Variants in KCNMA1 observed in about 807,000 individuals in gnomAD.
KCNMA1 encodes the protein Calcium-activated potassium channel subunit alpha-1.
Under a neutral mutation model 140.0 loss-of-function variants are expected in KCNMA1, and 29 were observed. The observed-to-expected ratio is 0.21, with a 90% CI of 0.15 to 0.28. KCNMA1 has a LOEUF of 0.28. Ranked by LOEUF, KCNMA1 falls within the 10% of genes least tolerant of loss-of-function variation. The pLI, the probability that KCNMA1 is intolerant of heterozygous loss-of-function variation, is 1.00. For synonymous variants in KCNMA1, 612 were observed against 611.9 expected (o/e 1.00, Z 0.00); for missense variants, 880 against 1,602.2 (o/e 0.55, Z 7.70).
intron 23 of KCNMA1, among the ~76,000 whole-genome samples, chr10:76,919,897 G>C (rs537289720): frequency 6.6e-6 from 1 of 150,500 alleles, no homozygotes; most frequent in South Asian, 2.1e-4. Context: ...TATGGATAAA[G>C]AACTGAAGAA....
rs1356304252 is a variant in KCNMA1, at chr10:76,889,581, C to T, written c.3343-12G>A. ...TAACAACCACCATCCTGGGAGACAGCAAAAGAACAGAGAGAAACATCCTTT... is the reference window on the plus strand; with the variant it reads ...TAACAACCACCATCCTGGGAGACAGTAAAAGAACAGAGAGAAACATCCTTT... On this transcript the variant is annotated splice_polypyrimidine_tract_variant and intron_variant, in intron 26 of 27. Coordinates refer to ENST00000286628, the MANE Select transcript of KCNMA1 (RefSeq NM_001161352.2). The T allele has an allele frequency of 6.4e-7, 1 of 1,569,928 alleles. No individual in the cohort carries two copies. Among genetic ancestry groups the T allele is most frequent in the East Asian group, 2.2e-5 (1 of 44,678 alleles).
At chr10:77,065,158 G>T (rs1300981390) in intron 14 of KCNMA1, among the ~76,000 whole-genome samples, 1 of 152,136 alleles carries the variant, frequency 6.6e-6, no homozygotes, top group Non-Finnish European at 1.5e-5. Flanking sequence ...TGAGTCAGGC[G>T]CTGTTCTAGG....
At chr10:77,500,795 T>C (rs536752397) in intron 1 of KCNMA1, among the ~76,000 whole-genome samples, 12 of 152,298 alleles carry the variant, frequency 7.9e-5, no homozygotes, top group African/African-American at 2.9e-4. Flanking sequence ...TTATGGGTGA[T>C]TAGAAGGCTG....
intron 14 of KCNMA1, among the ~76,000 whole-genome samples, chr10:77,044,718 G>C (rs937292898): frequency 4.6e-5 from 7 of 152,154 alleles, no homozygotes; most frequent in African/African-American, 1.7e-4. Flanking sequence ...TCTGGACCAG[G>C]TAAAGGGAGT....
At chr10:77,061,156 TA>T (rs1445026284) in intron 14 of KCNMA1, among the ~76,000 whole-genome samples, 3 of 152,220 alleles carry the variant, frequency 2.0e-5, no homozygotes, top group Non-Finnish European at 4.4e-5. Context: ...ACTCAATGTT[TA>T]ACCTTTTAAG....
At chr10:77,622,326 T>A (rs139430173) in intron 1 of KCNMA1, among the ~76,000 whole-genome samples, 141 of 152,186 alleles carry the variant, frequency 9.3e-4, no homozygotes, top group African/African-American at 3.2e-3. Flanking sequence ...GTCATCAGAG[T>A]TTCCCTCACA....
intron 3 of KCNMA1, among the ~76,000 whole-genome samples, chr10:77,217,209 G>A (rs2048063048): frequency 6.6e-6 from 1 of 151,692 alleles, no homozygotes; most frequent in Non-Finnish European, 1.5e-5. Context: ...GGAGGCTGAG[G>A]CAGGAGAATC....
chr10:77,332,237 G>C (rs544025016), intron 2 of KCNMA1, among the ~76,000 whole-genome samples: 1 of 151,978 alleles, frequency 6.6e-6, no homozygotes, highest in Admixed American at 6.5e-5. Context: ...GCCAGGGGAT[G>C]AGAGGGAAAA....
At chr10:77,194,537 T>G (rs573079370) in intron 3 of KCNMA1, among the ~76,000 whole-genome samples, 28 of 152,292 alleles carry the variant, frequency 1.8e-4, no homozygotes, top group African/African-American at 6.5e-4. Flanking sequence ...TGTAAGGATT[T>G]GGAGTACAGA....
rs1409251473 is a variant in KCNMA1 at position 77,027,842 on chromosome 10, A to G, written c.1909T>C (p.Ser637Pro). The change falls in exon 16 of 28, where the codon TCT becomes CCT. Residue 637 changes from serine to proline, a missense_variant. Around this residue, in one of 13 missense-constraint regions of KCNMA1, gnomAD observed 196 missense variants for 233.0 expected, o/e 0.84. Transcript: ENST00000286628. Reference sequence around the variant, plus strand: ...ACTTACCGGCTCTCTCGGTTGGCAGACTTGTACTCAATGGCTATCATTAGG... The same window carrying G: ...ACTTACCGGCTCTCTCGGTTGGCAGGCTTGTACTCAATGGCTATCATTAGG... ...KLLMIAIEYK[S>P]ANRESRILIN... The G allele has an allele frequency of 3.1e-6, 5 of 1,613,832 alleles. No individual in the cohort carries two copies. Among genetic ancestry groups the G allele is most frequent in the Non-Finnish European group, 3.4e-6 (4 of 1,179,918 alleles).
Position 77,034,402 on chromosome 10 carries a change from A to G in KCNMA1, c.1859+5126T>C, listed in dbSNP as rs186230963. 1.9e-4 allele frequency among the ~76,000 whole-genome samples: 29 copies of G among 152,284 alleles called. 1 individual carries two copies. Among genetic ancestry groups the G allele is most frequent in the Admixed American group, 1.5e-3 (23 of 15,296 alleles). ...TTTGGATGTCTTTCTCCAAAAACTA[A>G]TGATTTCACAGAACTGAAGTTAAAC... On this transcript the variant is annotated intron_variant, in intron 15 of 27. Transcript: ENST00000286628.
chr10:76,913,939 T>C (rs2051502524), intron 24 of KCNMA1: 2 of 721,818 alleles, frequency 2.8e-6, no homozygotes, highest in Non-Finnish European at 2.4e-6. Flanking sequence ...TTCAAAGCAG[T>C]GCCATGGGGT....
chr10:77,423,503 TG>T (rs2096912443), intron 1 of KCNMA1, among the ~76,000 whole-genome samples: 1 of 152,208 alleles, frequency 6.6e-6, no homozygotes, highest in Non-Finnish European at 1.5e-5. Context: ...CATAGTCCTG[TG>T]CCCGATACCT....
At chr10:77,368,205 G>C (rs900414508) in intron 2 of KCNMA1, among the ~76,000 whole-genome samples, 1 of 152,016 alleles carries the variant, frequency 6.6e-6, no homozygotes, top group Non-Finnish European at 1.5e-5. Context: ...ATCACTACTT[G>C]GTATTGTTGG....
At chr10:77,372,218 C>T (rs1321644046) in intron 2 of KCNMA1, among the ~76,000 whole-genome samples, 3 of 152,166 alleles carry the variant, frequency 2.0e-5, no homozygotes, top group Non-Finnish European at 4.4e-5. Context: ...CTCTCAAATC[C>T]ACCCAAACCC....
At chr10:77,324,963 CTCTCTCTCTGTGTGTGTGTGTGTGTGTG>C (rs2083543204) in intron 2 of KCNMA1, among the ~76,000 whole-genome samples, 2 of 104,450 alleles carry the variant, frequency 1.9e-5, no homozygotes, top group Non-Finnish European at 3.6e-5. Flanking sequence ...CTCTCTCTCT[CTCTCTCTCTGTGTGTGTGTGTGTGTGTG>C]TGTGTGTGTG....
intron 1 of KCNMA1, among the ~76,000 whole-genome samples, chr10:77,426,698 T>C (rs1332228570): frequency 6.6e-6 from 1 of 152,196 alleles, no homozygotes; most frequent in African/African-American, 2.4e-5. Context: ...CCTGCAGCAC[T>C]TCATAGAGCC....
intron 14 of KCNMA1, chr10:77,064,167 T>C: frequency 1.0e-6 from 1 of 955,922 alleles, no homozygotes; most frequent in East Asian, 1.2e-4. Flanking sequence ...AGGAAAATAT[T>C]AGATGAAAAT....
rs111271687 is a variant in KCNMA1, at chr10:77,180,029, A to G, written c.808+3392T>C. On this transcript the variant is annotated intron_variant, in intron 5 of 27. Transcript: ENST00000286628. ...GTGTGGGGAGCGTTCTGGGACAGGT[A>G]AGGGCAGGGACCCTGCATTCACTCT... is the stretch of plus-strand genomic sequence containing the variant. 1.2e-3 allele frequency among the ~76,000 whole-genome samples: 183 copies of G among 152,312 alleles called. 1 individual carries two copies. Among genetic ancestry groups the G allele is most frequent in the African/African-American group, 4.3e-3 (177 of 41,582 alleles).
Sources: allele counts gnomAD v4.1 joint callset (sites outside exome capture counted in the v4.1 genomes callset), GRCh38; gene constraint gnomAD v4.1.1; regional missense constraint gnomAD v4.1.1; transcripts MANE v1.5; gene names NCBI Gene and HGNC (gene_info 2026-07-23, HGNC 2026-07-21).